Variants in XRCC4 observed in about 807,000 individuals in gnomAD.
The protein encoded by XRCC4 is DNA repair protein XRCC4.
A neutral mutation model predicts 39.1 loss-of-function variants in XRCC4; 28 were observed. The ratio of observed to expected loss-of-function variants is 0.72; its 90% CI spans 0.53 to 0.98. The LOEUF is 0.98. XRCC4 is among the 50% of genes least tolerant of loss of function. XRCC4 has a pLI of 0.00. For missense variants in XRCC4, 350 were observed against 376.4 expected (o/e 0.93, Z 0.58); for synonymous variants, 123 against 126.4 (o/e 0.97, Z 0.18).
chr5:83,079,839 T>A (rs1002315938), intron 1 of XRCC4, among the ~76,000 whole-genome samples: 5 of 152,200 alleles, frequency 3.3e-5, no homozygotes, highest in South Asian at 4.1e-4. Flanking sequence ...ACGTCTGGCC[T>A]GTTCAAAAAG....
At chr5:83,360,773 T>C in the XRCC4 span, among the ~76,000 whole-genome samples, 1 of 151,632 alleles carries the variant, frequency 6.6e-6, no homozygotes, top group African/African-American at 2.4e-5. Context: ...GCCGTCCAGC[T>C]GAGCCCAGTC....
intron 3 of XRCC4, among the ~76,000 whole-genome samples, chr5:83,191,617 T>C (rs1000927857): frequency 1.3e-5 from 2 of 152,114 alleles, no homozygotes; most frequent in African/African-American, 2.4e-5. Flanking sequence ...GGAGAATCAC[T>C]TGAACCCAGG....
At chr5:83,167,284 A>ATT (rs1749528416) in intron 3 of XRCC4, among the ~76,000 whole-genome samples, 1 of 151,204 alleles carries the variant, frequency 6.6e-6, no homozygotes, top group Non-Finnish European at 1.5e-5. Flanking sequence ...GTGGACAGAG[A>ATT]TTGTGACGTT....
intron 6 of XRCC4, among the ~76,000 whole-genome samples, chr5:83,205,287 A>G (rs1751374505): frequency 6.6e-6 from 1 of 152,152 alleles, no homozygotes; most frequent in Admixed American, 6.6e-5. Flanking sequence ...AAAGCCATGA[A>G]TAGGCCACTG....
chr5:83,225,289 G>C (rs1158649383), intron 6 of XRCC4, among the ~76,000 whole-genome samples: 1 of 152,064 alleles, frequency 6.6e-6, no homozygotes, highest in Non-Finnish European at 1.5e-5. Context: ...TTGGGGTGTT[G>C]AATGTGTGTT....
intron 4 of XRCC4, among the ~76,000 whole-genome samples, chr5:83,196,840 C>T (rs891022755): frequency 2.0e-5 from 3 of 151,552 alleles, no homozygotes; most frequent in Non-Finnish European, 2.9e-5. Flanking sequence ...GTCTTTTTAG[C>T]GCAACCATTG....
At chr5:83,364,296 A>AC in the XRCC4 span, among the ~76,000 whole-genome samples, 108 of 152,264 alleles carry the variant, frequency 7.1e-4, no homozygotes, top group Non-Finnish European at 1.4e-3. Context: ...TGTCTTTCTA[A>AC]TAGACTCTGG....
At chr5:83,112,646 C>T (rs746505179) in intron 3 of XRCC4, among the ~76,000 whole-genome samples, 2 of 152,158 alleles carry the variant, frequency 1.3e-5, no homozygotes, top group African/African-American at 4.8e-5. Flanking sequence ...TTAATTGACT[C>T]ACAGTTCCAT....
intron 3 of XRCC4, among the ~76,000 whole-genome samples, chr5:83,183,454 G>GTGTA (rs59931077): frequency 2.9e-5 from 4 of 139,910 alleles, no homozygotes; most frequent in Non-Finnish European, 6.2e-5. Context: ...GTGTGTGTGT[G>GTGTA]GCACATCAAG....
intron 6 of XRCC4, among the ~76,000 whole-genome samples, chr5:83,242,713 C>T (rs1160003969): frequency 1.3e-5 from 2 of 152,134 alleles, no homozygotes; most frequent in South Asian, 2.1e-4. Flanking sequence ...CTCCCATCAC[C>T]GAGGCCCTTT....
rs189982741 is a variant in XRCC4 at position 83,108,659 on chromosome 5, C to G, written c.140-2369C>G. On this transcript the variant is annotated intron_variant, in intron 2 of 7. Transcript: ENST00000396027. ...TAGATGCTTTTTAAATAGATGTTCTCTGTTTTCTTTTGTGTTTTCTTCAAG... is the reference window on the plus strand; with the variant it reads ...TAGATGCTTTTTAAATAGATGTTCTGTGTTTTCTTTTGTGTTTTCTTCAAG... 1.5e-4 allele frequency among the ~76,000 whole-genome samples: 23 copies of G among 151,762 alleles called. No homozygotes were observed. In the East Asian group the frequency reaches 4.4e-3, roughly 29 times the overall value.
At chr5:83,155,785 A>G (rs1168560564) in intron 3 of XRCC4, among the ~76,000 whole-genome samples, 1 of 152,156 alleles carries the variant, frequency 6.6e-6, no homozygotes, top group Non-Finnish European at 1.5e-5. Flanking sequence ...CAAAACCTAA[A>G]AAAACTGTAT....
At chr5:83,113,625 T>A (rs1161440155) in intron 3 of XRCC4, among the ~76,000 whole-genome samples, 1 of 130,816 alleles carries the variant, frequency 7.6e-6, no homozygotes, top group Non-Finnish European at 1.6e-5. Context: ...ATTTCTTTCT[T>A]TTTTTTTTTT....
intron 3 of XRCC4, among the ~76,000 whole-genome samples, chr5:83,154,763 A>G (rs1441809074): frequency 6.6e-6 from 1 of 152,022 alleles, no homozygotes; most frequent in East Asian, 1.9e-4. Context: ...TTTGATATCT[A>G]CCCTTGACAA....
intron 6 of XRCC4, among the ~76,000 whole-genome samples, chr5:83,206,907 T>C (rs776529741): frequency 2.2e-4 from 34 of 152,252 alleles, no homozygotes; most frequent in Non-Finnish European, 3.4e-4. Flanking sequence ...GGAAAGTATC[T>C]AACTGCAGTC....
At chr5:83,367,234 T>C in the XRCC4 span, among the ~76,000 whole-genome samples, 2 of 152,226 alleles carry the variant, frequency 1.3e-5, no homozygotes, top group Non-Finnish European at 2.9e-5. Context: ...CTTTACTAAA[T>C]CTCACTTGAG....
chr5:83,232,771 G>A (rs377335743), intron 6 of XRCC4, among the ~76,000 whole-genome samples: 22 of 152,114 alleles, frequency 1.4e-4, no homozygotes, highest in Admixed American at 5.9e-4. Context: ...TAATGGGAAA[G>A]TGAACTAACA....
At chr5:83,175,091 A>G (rs2112631391) in intron 3 of XRCC4, among the ~76,000 whole-genome samples, 1 of 152,280 alleles carries the variant, frequency 6.6e-6, no homozygotes, top group East Asian at 1.9e-4. Flanking sequence ...TATTGAGTAC[A>G]CCTCATATAT....
chr5:83,094,254 A>T lies in XRCC4; in HGVS notation c.-10-10656A>T, dbSNP rs189453371. Reference sequence around the variant, plus strand: ...TATTATGTATAGGTTAGGTCTCTTGATGGTGCTCCATAATCCCCATAGGCT... The same window carrying T: ...TATTATGTATAGGTTAGGTCTCTTGTTGGTGCTCCATAATCCCCATAGGCT... On this transcript the variant is annotated intron_variant, in intron 1 of 7. Coordinates refer to ENST00000396027, the MANE Select transcript of XRCC4 (RefSeq NM_003401.5). Among the ~76,000 whole-genome samples the T allele has an allele frequency of 3.3e-5, 5 of 151,024 alleles. No homozygotes were observed. The East Asian group carries it at 9.9e-4, about 30-fold the overall frequency.
Sources: allele counts gnomAD v4.1 joint callset (sites outside exome capture counted in the v4.1 genomes callset), GRCh38; gene constraint gnomAD v4.1.1; transcripts MANE v1.5; gene names NCBI Gene and HGNC (gene_info 2026-07-23, HGNC 2026-07-21).